The following OXCT1 variants were observed in gnomAD, a reference collection of about 807,000 sequenced individuals.
OXCT1 encodes the protein 3-oxoacid CoA-transferase 1.
In OXCT1, 27 loss-of-function variants were observed where a neutral mutation model predicts 69.6. The observed-to-expected ratio is 0.39, with a 90% CI of 0.29 to 0.54. The LOEUF (loss-of-function observed/expected upper bound fraction) is 0.54, where lower values mean the gene tolerates loss of function less well. Ranked by LOEUF, OXCT1 falls within the 20% of genes least tolerant of loss-of-function variation. The pLI is 0.72. For missense variants in OXCT1, 437 were observed against 650.2 expected, an observed-to-expected ratio of 0.67 and a Z score of 3.57; for synonymous variants, 202 against 217.8, an observed-to-expected ratio of 0.93 and a Z score of 0.64.
At chr5:41,793,828 T>C (rs969303601) in intron 13 of OXCT1, among the ~76,000 whole-genome samples, 175 bp downstream of exon 13, 2 of 152,206 alleles carry the variant, frequency 1.3e-5, no homozygotes, top group Non-Finnish European at 2.9e-5. Context: ...GCACAGTAAA[T>C]TGGCAAAGCT....
chr5:41,774,156 G>A (rs761689885), intron 13 of OXCT1, among the ~76,000 whole-genome samples: 2 of 152,140 alleles, frequency 1.3e-5, no homozygotes, highest in Non-Finnish European at 2.9e-5. Flanking sequence ...TTCTAGGTCT[G>A]GTATTTGGAA....
chr5:41,773,072 TA>T (rs1438394859), intron 13 of OXCT1, among the ~76,000 whole-genome samples: 5 of 152,164 alleles, frequency 3.3e-5, no homozygotes, highest in Non-Finnish European at 5.9e-5. Context: ...CAAAACCAGT[TA>T]AAAGAACGAC....
chr5:41,820,842 A>G (rs2112329767), intron 7 of OXCT1, among the ~76,000 whole-genome samples: 1 of 152,250 alleles, frequency 6.6e-6, no homozygotes, highest in South Asian at 2.1e-4. Context: ...TTTCTTGTTT[A>G]TCTGCATAAA....
Position 41,853,434 on chromosome 5 carries a change from C to T in OXCT1, c.399G>A (p.Val133=). ...ATTTTCTCACCTGTGGTGTCAGCTC[C>T]ACTTCTAATTCACCAGATAAGTACT... ...ERQYLSGELE[V]ELTPQGTLAE... The change falls in exon 4 of 17, where the codon GTG becomes GTA. Residue 133 remains valine, a synonymous_variant. Coordinates refer to ENST00000196371, the MANE Select transcript of OXCT1 (RefSeq NM_000436.4). 1 of 1,613,778 alleles carries T rather than the reference C, an allele frequency of 6.2e-7. No homozygotes were observed. The highest frequency in any genetic ancestry group is 8.5e-7 in the Non-Finnish European group (1 of 1,179,756).
intron 5 of OXCT1, among the ~76,000 whole-genome samples, chr5:41,849,392 G>C (rs1419519294): frequency 6.6e-6 from 1 of 152,204 alleles, no homozygotes. Context: ...ACTGGCCAGT[G>C]TAATTTTTGA....
intron 3 of OXCT1, among the ~76,000 whole-genome samples, chr5:41,860,072 A>C (rs374607941): frequency 3.2e-4 from 49 of 151,980 alleles, no homozygotes; most frequent in African/African-American, 1.2e-3. Flanking sequence ...GCTGATAATC[A>C]AAAGTATGTA....
intron 13 of OXCT1, among the ~76,000 whole-genome samples, chr5:41,779,958 TATA>T (rs1745315431): frequency 6.6e-6 from 1 of 152,174 alleles, no homozygotes; most frequent in Admixed American, 6.5e-5. Flanking sequence ...TAAATGATTT[TATA>T]ATAAGGACTG....
intron 13 of OXCT1, among the ~76,000 whole-genome samples, chr5:41,788,100 T>C (rs1745737608): frequency 6.6e-6 from 1 of 152,170 alleles, no homozygotes. Flanking sequence ...GAATTAACTA[T>C]CACTAAAGAA....
rs1743045903 is a variant in OXCT1, at chr5:41,739,382, ATACT to A, written c.1521+4_1521+7del. Reference sequence around the variant, plus strand: ...CAAGTGTCTGGATTTGTTCACAGAAATACTTACTGCAAAATCACACCCAGTACTC... The same window carrying A: ...CAAGTGTCTGGATTTGTTCACAGAAATACTGCAAAATCACACCCAGTACTC... On this transcript the variant is annotated splice_donor_5th_base_variant and intron_variant, in intron 16 of 16. Transcript: ENST00000196371. 6.4e-7 allele frequency: 1 copy of A among 1,570,636 alleles called. No individual in the cohort carries two copies. The highest frequency in any genetic ancestry group is 1.3e-5 in the African/African-American group (1 of 74,092).
intron 15 of OXCT1, 87 bp from the exon 16 acceptor site, chr5:41,739,578 C>T: frequency 2.9e-6 from 3 of 1,047,192 alleles, no homozygotes; most frequent in Non-Finnish European, 4.5e-6. Flanking sequence ...CTCGCAAGTT[C>T]GACGAGGTCG....
At chr5:41,761,741 G>A (rs186524468) in intron 14 of OXCT1, among the ~76,000 whole-genome samples, 2 of 152,096 alleles carry the variant, frequency 1.3e-5, no homozygotes, top group African/African-American at 4.8e-5. Context: ...TTCATTTCAC[G>A]CACAGATAGC....
intron 7 of OXCT1, among the ~76,000 whole-genome samples, chr5:41,826,642 A>C (rs1031255661): frequency 2.0e-5 from 3 of 152,136 alleles, no homozygotes; most frequent in African/African-American, 7.2e-5. Flanking sequence ...TCAAAAAAAA[A>C]ATGAAAAGAA....
At chr5:41,851,217 A>C (rs1335399958) in intron 4 of OXCT1, among the ~76,000 whole-genome samples, 1 of 152,170 alleles carries the variant, frequency 6.6e-6, no homozygotes, top group Non-Finnish European at 1.5e-5. Context: ...CTTTAACAGG[A>C]CTCTAAGTAT....
At chr5:41,863,934 G>C (rs1221857924) in intron 1 of OXCT1, among the ~76,000 whole-genome samples, 1 of 152,148 alleles carries the variant, frequency 6.6e-6, no homozygotes, top group Admixed American at 6.5e-5. Flanking sequence ...ATGCCTCCTA[G>C]AGGGACAAAA....
intron 13 of OXCT1, among the ~76,000 whole-genome samples, chr5:41,774,598 A>G (rs1745035466): frequency 6.6e-6 from 1 of 152,192 alleles, no homozygotes; most frequent in South Asian, 2.1e-4. Flanking sequence ...CAATGTGAGC[A>G]TAAAAATAAA....
chr5:41,757,171 A>C lies in OXCT1; in HGVS notation c.1338+4940T>G, dbSNP rs190238844. ...TCACTCTGGCCACTGTGTGTGTTTA[A>C]GTGTGAGTATATTTTTTCCCACTCA... On this transcript the variant is annotated intron_variant, in intron 14 of 16. Coordinates refer to ENST00000196371, the MANE Select transcript of OXCT1 (RefSeq NM_000436.4). Among the ~76,000 whole-genome samples the C allele has an allele frequency of 2.0e-5, 3 of 152,214 alleles. No individual in the cohort carries two copies. The East Asian group carries it at 5.8e-4, about 29-fold the overall frequency.
At chr5:41,779,277 G>T (rs1745282291) in intron 13 of OXCT1, among the ~76,000 whole-genome samples, 1 of 152,110 alleles carries the variant, frequency 6.6e-6, no homozygotes, top group African/African-American at 2.4e-5. Flanking sequence ...TTGAATCCAA[G>T]AACTTGATTT....
intron 7 of OXCT1, among the ~76,000 whole-genome samples, chr5:41,834,062 T>G (rs907451968): frequency 1.4e-4 from 21 of 151,780 alleles, no homozygotes; most frequent in African/African-American, 4.8e-4. Context: ...TATTTGTTTA[T>G]GCAATTAGTG....
chr5:41,781,678 T>C (rs186576791), intron 13 of OXCT1, among the ~76,000 whole-genome samples: 27 of 152,260 alleles, frequency 1.8e-4, no homozygotes, highest in Admixed American at 7.2e-4. Context: ...ATCGTTCAGC[T>C]CCCACTTACA....
Sources: gnomAD v4.1 joint callset for allele counts (sites outside exome capture counted in the v4.1 genomes callset) on GRCh38, gnomAD v4.1.1 for gene constraint, MANE v1.5 for transcripts, NCBI Gene and HGNC (gene_info 2026-07-23, HGNC 2026-07-21) for gene names.